SCAPER: variants seen among roughly 807,000 people sequenced by gnomAD.
SCAPER encodes the protein S phase cyclin A-associated protein in the endoplasmic reticulum.
In SCAPER, 98 loss-of-function variants were observed where a neutral mutation model predicts 182.2. The observed-to-expected ratio is 0.54, with a 90% confidence interval of 0.46 to 0.64. The LOEUF (loss-of-function observed/expected upper bound fraction) is 0.64, where lower values mean the gene tolerates loss of function less well. SCAPER is among the 30% of genes least tolerant of loss of function. The pLI, the probability that SCAPER is intolerant of heterozygous loss-of-function variation, is 0.00. For missense variants in SCAPER, 1,432 were observed against 1,690.0 expected, an observed-to-expected ratio of 0.85 and a Z score of 2.68; for synonymous variants, 605 against 564.6, an observed-to-expected ratio of 1.07 and a Z score of -1.01.
chr15:76,630,256 G>A (rs2052981411), intron 21 of SCAPER, among the ~76,000 whole-genome samples: 2 of 152,008 alleles, frequency 1.3e-5, no homozygotes, highest in South Asian at 4.1e-4. Context: ...CCAGCCCCTG[G>A]ATTCACTGAG....
Position 76,450,664 on chromosome 15 carries a change from G to A in SCAPER, c.3079-16354C>T, listed in dbSNP as rs554733748. Among the ~76,000 whole-genome samples the A allele has an allele frequency of 4.0e-4, 61 of 152,062 alleles. 1 individual carries two copies. In the South Asian group the frequency reaches 0.012, roughly 30 times the overall value. On this transcript the variant is annotated intron_variant, in intron 25 of 31. Transcript: ENST00000563290. ...CACCTCCCTGGTTCAAACGATTCTC[G>A]TGCCTCAGCCTCCTGAGTAGCTGGG...
chr15:76,795,444 T>C lies in SCAPER; in HGVS notation c.612-4A>G, dbSNP rs11852395. 483,917 of 1,552,114 alleles carry C rather than the reference T, an allele frequency of 0.31. 79,614 individuals are homozygous for C. The highest frequency in any genetic ancestry group is 0.55 in the East Asian group (23,895 of 43,494). On this transcript the variant is annotated splice_polypyrimidine_tract_variant and splice_region_variant and intron_variant, in intron 7 of 31. Transcript: ENST00000563290. ...TGGCACTGTGCCAGTTGAACCTCTA[T>C]GGAGAAAAATAAACACATTTAATAA...
chr15:76,477,601 T>C (rs2050760039), intron 24 of SCAPER, among the ~76,000 whole-genome samples: 1 of 152,164 alleles, frequency 6.6e-6, no homozygotes, highest in Admixed American at 6.5e-5. Context: ...GAAAAAAAAT[T>C]GTAATCAATT....
At chr15:76,794,973 T>C (rs2151472653) in intron 8 of SCAPER, among the ~76,000 whole-genome samples, 1 of 152,288 alleles carries the variant, frequency 6.6e-6, no homozygotes, top group South Asian at 2.1e-4. Flanking sequence ...CTAGACTAAA[T>C]TAGGCTTTTT....
rs1011229245 is a variant in SCAPER at position 76,844,151 on chromosome 15, C to T, written c.196-2220G>A. On this transcript the variant is annotated intron_variant, in intron 4 of 31. Transcript: ENST00000563290. ...TATGGCTTACTATGTCTAACTGCTT[C>T]CCAAGACACTCAATAGATGACAAAA... Among the ~76,000 whole-genome samples, 24 of 151,948 alleles carry T rather than the reference C, an allele frequency of 1.6e-4. 1 individual carries two copies. Among genetic ancestry groups the T allele is most frequent in the Admixed American group, 1.2e-3 (19 of 15,248 alleles).
Position 76,521,924 on chromosome 15 carries a change from A to G in SCAPER, c.2839-16950T>C, listed in dbSNP as rs562464324. 9.7e-4 allele frequency among the ~76,000 whole-genome samples: 148 copies of G among 152,256 alleles called. 2 individuals are homozygous for G. Among genetic ancestry groups the G allele is most frequent in the African/African-American group, 3.5e-3 (145 of 41,548 alleles). ...CTGTGTCCCCAGATACTAGGGTACCAATTTGTTTATCACTGATCTTGAATA... is the reference window on the plus strand; with the variant it reads ...CTGTGTCCCCAGATACTAGGGTACCGATTTGTTTATCACTGATCTTGAATA... On this transcript the variant is annotated intron_variant, in intron 23 of 31. Transcript: ENST00000563290.
intron 24 of SCAPER, among the ~76,000 whole-genome samples, chr15:76,474,146 T>A (rs1250565687): frequency 6.6e-6 from 1 of 152,192 alleles, no homozygotes; most frequent in African/African-American, 2.4e-5. Context: ...TTGCCTGAAT[T>A]CTTCCCTTGG....
chr15:76,355,556 T>C (rs1328808125), intron 29 of SCAPER, among the ~76,000 whole-genome samples: 1 of 152,182 alleles, frequency 6.6e-6, no homozygotes, highest in African/African-American at 2.4e-5. Flanking sequence ...CTTTTTTTTT[T>C]TCCCCTCCTT....
intron 13 of SCAPER, 79 bp downstream of exon 13, chr15:76,765,258 G>A (rs764186125): frequency 4.0e-5 from 48 of 1,191,600 alleles, no homozygotes; most frequent in Admixed American, 7.0e-5. Flanking sequence ...AAAATGCCAC[G>A]TAGCAATTTT....
chr15:76,853,318 A>G (rs1236131951), intron 4 of SCAPER, among the ~76,000 whole-genome samples: 1 of 152,146 alleles, frequency 6.6e-6, no homozygotes, highest in East Asian at 1.9e-4. Flanking sequence ...CTCCTCCCCA[A>G]CTCATTCTAC....
At chr15:76,652,365 C>CATATATATATAT (rs2055197860) in intron 21 of SCAPER, among the ~76,000 whole-genome samples, 1 of 27,648 alleles carries the variant, frequency 3.6e-5, no homozygotes, top group South Asian at 2.1e-3. Context: ...CACACACACA[C>CATATATATATAT]ACACACATAT....
At position 76,348,624 on chromosome 15, in the gene SCAPER, C is replaced by T. The variant is rs1180957886; in HGVS notation, c.*9G>A. On this transcript the variant is annotated 3_prime_UTR_variant, in exon 32 of 32. Coordinates refer to ENST00000563290, the MANE Select transcript of SCAPER (RefSeq NM_020843.4). Reference sequence around the variant, plus strand: ...CAAGGGTACTCAAATACAGAATCAACCAAAACATTTATTTTTTCTCTTTTT... The same window carrying T: ...CAAGGGTACTCAAATACAGAATCAATCAAAACATTTATTTTTTCTCTTTTT... The T allele has an allele frequency of 6.6e-7, 1 of 1,517,402 alleles. No homozygotes were observed. Among genetic ancestry groups the T allele is most frequent in the South Asian group, 1.3e-5 (1 of 79,568 alleles). The allele number at this position is 1,517,402 out of a possible 1,614,324, so 94.0% of individuals were successfully genotyped here. A position where few individuals can be genotyped will look rare whatever the true frequency, so the allele number is the denominator to read the frequency against.
At chr15:76,419,366 T>G (rs1034739929) in intron 26 of SCAPER, among the ~76,000 whole-genome samples, 3 of 147,790 alleles carry the variant, frequency 2.0e-5, no homozygotes, top group Non-Finnish European at 4.5e-5. Flanking sequence ...GAAAAAAAAG[T>G]CCAGGATCTT....
rs565359856 is a variant in SCAPER, at chr15:76,588,423, C to T, written c.2712-14139G>A. On this transcript the variant is annotated intron_variant, in intron 22 of 31. Transcript: ENST00000563290. ...ATATAAGAATAGCTACTCCTATTCG[C>T]TTTTGGTTTCCATTTGCATGGAATG... Among the ~76,000 whole-genome samples the T allele has an allele frequency of 2.6e-5, 4 of 152,310 alleles. No homozygotes were observed. In the East Asian group the frequency reaches 7.7e-4, roughly 29 times the overall value.
At chr15:76,418,126 A>G (rs1337488261) in intron 26 of SCAPER, among the ~76,000 whole-genome samples, 2 of 152,196 alleles carry the variant, frequency 1.3e-5, no homozygotes. Context: ...GAAGTGACCA[A>G]AACAACAAGC....
At chr15:76,401,770 T>C (rs2044475247) in intron 27 of SCAPER, among the ~76,000 whole-genome samples, 1 of 152,002 alleles carries the variant, frequency 6.6e-6, no homozygotes, top group East Asian at 1.9e-4. Flanking sequence ...GAAAAAATAA[T>C]ATGGGTGCAA....
At position 76,883,755 on chromosome 15, in the gene SCAPER, A is replaced by G. The variant is rs1034267807; in HGVS notation, c.6+57T>C. The G allele has an allele frequency of 3.0e-5, 40 of 1,347,496 alleles. No homozygotes were observed. The Admixed American group carries it at 1.0e-3, about 35-fold the overall frequency. 83.5% of individuals were successfully genotyped at this position (1,347,496 alleles called of 1,614,324 possible). A position where few individuals can be genotyped will look rare whatever the true frequency, so the allele number is the denominator to read the frequency against. On this transcript the variant is annotated intron_variant, in intron 2 of 31. Transcript: ENST00000563290. ...ACTATTACATTAAAAAAGATAAAAG[A>G]AAGGAAGAAAAGAGAAAGGCAAAAA...
At chr15:76,883,018 G>A (rs1446423446) in intron 2 of SCAPER, among the ~76,000 whole-genome samples, 1 of 152,182 alleles carries the variant, frequency 6.6e-6, no homozygotes, top group Non-Finnish European at 1.5e-5. Context: ...CCACACTTCA[G>A]AAGGTTGTAC....
intron 25 of SCAPER, among the ~76,000 whole-genome samples, chr15:76,455,092 T>A (rs1213280224): frequency 6.6e-6 from 1 of 152,174 alleles, no homozygotes; most frequent in Admixed American, 6.5e-5. Context: ...TTCTTCTTGA[T>A]CAATTCTAAT....
Sources: allele counts gnomAD v4.1 joint callset (sites outside exome capture counted in the v4.1 genomes callset), GRCh38; gene constraint gnomAD v4.1.1; transcripts MANE v1.5; gene names NCBI Gene and HGNC (gene_info 2026-07-23, HGNC 2026-07-21).